DLG2: variants seen among roughly 807,000 people sequenced by gnomAD.
The protein encoded by DLG2 is discs large MAGUK scaffold protein 2, also known as disks large homolog 2.
In DLG2, 45 loss-of-function variants were observed where a neutral mutation model predicts 132.5. The observed-to-expected ratio is 0.34, with a 90% confidence interval of 0.27 to 0.44. DLG2 has a LOEUF of 0.44. Ranked by LOEUF, DLG2 falls within the 20% of genes least tolerant of loss-of-function variation. The pLI, the probability that DLG2 is intolerant of heterozygous loss-of-function variation, is 1.00. For missense variants in DLG2, 1,045 were observed against 1,196.9 expected (o/e 0.87, Z 1.87); for synonymous variants, 424 against 419.6 (o/e 1.01, Z -0.13).
At chr11:84,041,938 C>T (rs528668421) in intron 11 of DLG2, among the ~76,000 whole-genome samples, 3 of 151,990 alleles carry the variant, frequency 2.0e-5, no homozygotes, top group East Asian at 3.9e-4. Context: ...CTGGGAGTTT[C>T]CCTGTACAAG....
intron 6 of DLG2, among the ~76,000 whole-genome samples, chr11:84,554,825 A>G (rs1417568293): frequency 6.6e-6 from 1 of 152,222 alleles, no homozygotes; most frequent in Non-Finnish European, 1.5e-5. Context: ...AACCATATTC[A>G]TTAGAGAATG....
intron 7 of DLG2, among the ~76,000 whole-genome samples, chr11:84,435,000 T>A (rs1292688546): frequency 1.3e-5 from 2 of 151,276 alleles, no homozygotes; most frequent in Non-Finnish European, 2.9e-5. Context: ...TAAAGATATA[T>A]CTCCCCAAAT....
At chr11:83,641,098 A>G (rs1339676901) in intron 18 of DLG2, among the ~76,000 whole-genome samples, 1 of 152,204 alleles carries the variant, frequency 6.6e-6, no homozygotes, top group Non-Finnish European at 1.5e-5. Flanking sequence ...ATCGATTTTA[A>G]AAAGCACCAT....
intron 7 of DLG2, among the ~76,000 whole-genome samples, chr11:84,267,831 T>C (rs183686181): frequency 6.6e-5 from 10 of 152,310 alleles, no homozygotes; most frequent in East Asian, 3.9e-4. Context: ...CTAGGCACCA[T>C]TGTCAACCTG....
intron 13 of DLG2, among the ~76,000 whole-genome samples, chr11:83,964,314 A>G (rs2089673251): frequency 6.6e-6 from 1 of 152,020 alleles, no homozygotes; most frequent in African/African-American, 2.4e-5. Flanking sequence ...GTCTGATCTC[A>G]ATTTACTGCC....
At chr11:85,624,768 G>A (rs1050727211) in intron 2 of DLG2, among the ~76,000 whole-genome samples, 1 of 151,902 alleles carries the variant, frequency 6.6e-6, no homozygotes, top group African/African-American at 2.4e-5. Context: ...CATATACTCT[G>A]GTATCATAGA....
At chr11:84,540,404 A>G (rs2099365515) in intron 6 of DLG2, among the ~76,000 whole-genome samples, 1 of 152,098 alleles carries the variant, frequency 6.6e-6, no homozygotes, top group Admixed American at 6.5e-5. Flanking sequence ...ACACTTCTCA[A>G]AAGAAGACAT....
At chr11:84,646,152 C>G (rs2099674668) in intron 6 of DLG2, among the ~76,000 whole-genome samples, 1 of 152,142 alleles carries the variant, frequency 6.6e-6, no homozygotes, top group Non-Finnish European at 1.5e-5. Flanking sequence ...TTCTCTAGCA[C>G]TGGTTTGCAG....
intron 7 of DLG2, among the ~76,000 whole-genome samples, chr11:84,451,683 A>C (rs1602370343): frequency 1.3e-5 from 2 of 151,872 alleles, no homozygotes; most frequent in Non-Finnish European, 2.9e-5. Flanking sequence ...ACAATGAACA[A>C]AACAGACAAC....
chr11:84,710,763 A>G (rs971905552), intron 6 of DLG2, among the ~76,000 whole-genome samples: 2 of 151,206 alleles, frequency 1.3e-5, no homozygotes, highest in East Asian at 2.0e-4. Flanking sequence ...AATACATGAA[A>G]CCCCATCAAA....
At chr11:83,637,991 T>G (rs1286263485) in intron 18 of DLG2, among the ~76,000 whole-genome samples, 1 of 152,234 alleles carries the variant, frequency 6.6e-6, no homozygotes, top group Non-Finnish European at 1.5e-5. Flanking sequence ...TCTTCTGTCT[T>G]GCTTTGCATG....
intron 7 of DLG2, chr11:84,317,158 C>A (rs2098368614): frequency 1.9e-6 from 3 of 1,597,220 alleles, no homozygotes; most frequent in South Asian, 2.2e-5. Flanking sequence ...TGCACTGATG[C>A]CTACTCTTTC....
chr11:84,130,390 C>A (rs1232415971), intron 9 of DLG2, among the ~76,000 whole-genome samples: 1 of 151,742 alleles, frequency 6.6e-6, no homozygotes, highest in African/African-American at 2.4e-5. Context: ...TAGGCATTGT[C>A]AAGGATACAA....
At chr11:84,573,408 G>A in intron 6 of DLG2, among the ~76,000 whole-genome samples, 1 of 152,052 alleles carries the variant, frequency 6.6e-6, no homozygotes, top group East Asian at 1.9e-4. Flanking sequence ...AGACTATGAT[G>A]ACAAAACATA....
At chr11:84,247,738 T>A (rs2097321327) in intron 8 of DLG2, among the ~76,000 whole-genome samples, 1 of 152,198 alleles carries the variant, frequency 6.6e-6, no homozygotes, top group Non-Finnish European at 1.5e-5. Context: ...GTTTGACACT[T>A]ACATAAAAAT....
rs566622904 is a variant in DLG2, at chr11:84,180,676, G to C, written c.574-17165C>G. Among the ~76,000 whole-genome samples, 98 of 152,176 alleles carry C rather than the reference G, an allele frequency of 6.4e-4. No individual in the cohort carries two copies. The Middle Eastern group carries it at 0.014, about 21-fold the overall frequency. On this transcript the variant is annotated intron_variant, in intron 8 of 27. Coordinates refer to ENST00000376104, the MANE Select transcript of DLG2 (RefSeq NM_001142699.3). ...TTTTTTAAAGTCTTGAAAGAAGCTAGTGGGGGCAGGTGGGAGCCATATCTA... is the reference window on the plus strand; with the variant it reads ...TTTTTTAAAGTCTTGAAAGAAGCTACTGGGGGCAGGTGGGAGCCATATCTA...
intron 4 of DLG2, among the ~76,000 whole-genome samples, chr11:85,182,427 G>A (rs372581574): frequency 6.6e-6 from 1 of 151,836 alleles, no homozygotes; most frequent in Non-Finnish European, 1.5e-5. Context: ...ATTTTAATTG[G>A]CAAGGAAATA....
intron 11 of DLG2, among the ~76,000 whole-genome samples, chr11:84,046,569 T>C (rs1294655773): frequency 6.6e-6 from 1 of 151,568 alleles, no homozygotes; most frequent in Non-Finnish European, 1.5e-5. Context: ...TTCACCACGA[T>C]AAGGCACTGA....
At chr11:84,894,541 AG>A (rs779866350) in intron 6 of DLG2, among the ~76,000 whole-genome samples, 3 of 152,174 alleles carry the variant, frequency 2.0e-5, no homozygotes, top group Non-Finnish European at 4.4e-5. Flanking sequence ...TTAGTAAAGA[AG>A]GGCTTTCATT....
Sources: allele counts gnomAD v4.1 joint callset (sites outside exome capture counted in the v4.1 genomes callset), GRCh38; gene constraint gnomAD v4.1.1; transcripts MANE v1.5; gene names NCBI Gene and HGNC (gene_info 2026-07-23, HGNC 2026-07-21).